Variants in TUBD1 observed in about 807,000 individuals in gnomAD.
TUBD1 encodes tubulin delta chain.
TUBD1 carries 38 observed loss-of-function variants against 51.2 expected under a neutral mutation model. The observed-to-expected ratio is 0.74, with a 90% confidence interval of 0.57 to 0.97. The LOEUF is 0.97. Among genes scored for constraint, TUBD1 ranks in the 50% least tolerant of loss-of-function variants. The pLI, the probability that TUBD1 is intolerant of heterozygous loss-of-function variation, is 0.00. For missense variants in TUBD1, 489 were observed against 538.4 expected (o/e 0.91, Z 0.91); for synonymous variants, 169 against 178.2 (o/e 0.95, Z 0.41).
At chr17:59,878,489 CTTTTTTT>C (rs71370137) in intron 4 of TUBD1, 155 bp from the exon 5 acceptor site, 8 of 463,884 alleles carry the variant, frequency 1.7e-5, no homozygotes, top group African/African-American at 1.3e-4. Context: ...GCTCAGTTTC[CTTTTTTT>C]TTTTTTTTTT....
At chr17:59,880,575 C>A (rs550525942) in intron 4 of TUBD1, among the ~76,000 whole-genome samples, 2 of 151,890 alleles carry the variant, frequency 1.3e-5, no homozygotes, top group African/African-American at 4.8e-5. Context: ...AGTACGGTAG[C>A]GCGATCTTGG....
At chr17:59,889,957 G>A (rs1428615599) in intron 2 of TUBD1, among the ~76,000 whole-genome samples, 24 of 135,128 alleles carry the variant, frequency 1.8e-4, no homozygotes, top group African/African-American at 6.4e-4. Flanking sequence ...GTGACAGAGC[G>A]AGACTCTCTC....
At chr17:59,875,808 A>C (rs1315548980) in intron 5 of TUBD1, among the ~76,000 whole-genome samples, 4 of 152,130 alleles carry the variant, frequency 2.6e-5, no homozygotes, top group Admixed American at 2.6e-4. Flanking sequence ...GATATTCCTT[A>C]AGATAGGAAT....
In TUBD1 at chr17:59,890,815, T is replaced by G; in HGVS notation, c.172+16A>C. ...GTTAGATCAGAGTAAAGGAGAGGACTGTGGGCCACACCTACCTCCATTCTC... is the reference window on the plus strand; with the variant it reads ...GTTAGATCAGAGTAAAGGAGAGGACGGTGGGCCACACCTACCTCCATTCTC... On this transcript the variant is annotated intron_variant, in intron 2 of 8. Transcript: ENST00000325752. 1 of 1,598,694 alleles carries G rather than the reference T, an allele frequency of 6.3e-7. No homozygotes were observed. Among genetic ancestry groups the G allele is most frequent in the Non-Finnish European group, 8.5e-7 (1 of 1,173,044 alleles).
chr17:59,882,789 CTTT>C (rs959009765), intron 3 of TUBD1, among the ~76,000 whole-genome samples: 1 of 144,176 alleles, frequency 6.9e-6, no homozygotes. Context: ...TAATTTCTTT[CTTT>C]TTTTTTTTTT....
intron 7 of TUBD1, among the ~76,000 whole-genome samples, chr17:59,865,859 C>T (rs972935424): frequency 1.3e-5 from 2 of 151,996 alleles, no homozygotes; most frequent in Admixed American, 6.6e-5. Flanking sequence ...GCCTGTAATC[C>T]CAACACTTTG....
chr17:59,878,575 C>G (rs1479760773), intron 4 of TUBD1: 2 of 370,002 alleles, frequency 5.4e-6, no homozygotes, highest in Non-Finnish European at 9.9e-6. Context: ...ACCTCGGCCT[C>G]CCGGTTCGAG....
intron 6 of TUBD1, among the ~76,000 whole-genome samples, chr17:59,871,361 G>A (rs1157645714): frequency 6.6e-6 from 1 of 151,946 alleles, no homozygotes; most frequent in Non-Finnish European, 1.5e-5. Context: ...CACCATGCCT[G>A]GCTAATTTTT....
At chr17:59,866,231 CTTT>C (rs544961480) in intron 7 of TUBD1, among the ~76,000 whole-genome samples, 18,753 of 132,072 alleles carry the variant, frequency 0.14, 1,403 homozygotes, top group Middle Eastern at 0.25. Flanking sequence ...GAAAACAATT[CTTT>C]TTTTTTTTTT....
At chr17:59,887,420 C>G (rs1476878910) in intron 2 of TUBD1, among the ~76,000 whole-genome samples, 5 of 151,512 alleles carry the variant, frequency 3.3e-5, no homozygotes, top group Non-Finnish European at 7.4e-5. Context: ...TACTTAATCA[C>G]ACTGCAACGT....
chr17:59,888,151 G>A (rs1248469021), intron 2 of TUBD1, among the ~76,000 whole-genome samples: 1 of 152,080 alleles, frequency 6.6e-6, no homozygotes, highest in Admixed American at 6.6e-5. Context: ...TAGCCAGGAT[G>A]GTCTCGATCT....
intron 4 of TUBD1, among the ~76,000 whole-genome samples, chr17:59,880,578 G>A (rs1010309340): frequency 2.0e-5 from 3 of 151,900 alleles, no homozygotes; most frequent in African/African-American, 7.3e-5. Flanking sequence ...ACGGTAGCGC[G>A]ATCTTGGCTC....
Position 59,859,504 on chromosome 17 carries a change from A to T in TUBD1, c.*818T>A, listed in dbSNP as rs1349199636. 6.6e-6 allele frequency: 1 copy of T among 152,418 alleles called. No individual in the cohort carries two copies. Among genetic ancestry groups the T allele is most frequent in the Non-Finnish European group, 1.5e-5 (1 of 68,050 alleles). The allele number at this position is 152,418 out of a possible 1,614,324, so 9.4% of individuals were successfully genotyped here. ...TTTACTTTTGTACTTAAGCATAAGC[A>T]TTTATTACCAAAATCCTCATATTTA... On this transcript the variant is annotated 3_prime_UTR_variant, in exon 9 of 9. Coordinates refer to ENST00000325752, the MANE Select transcript of TUBD1 (RefSeq NM_016261.4).
At chr17:59,868,558 G>A (rs567437038) in intron 6 of TUBD1, among the ~76,000 whole-genome samples, 1 of 152,148 alleles carries the variant, frequency 6.6e-6, no homozygotes, top group South Asian at 2.1e-4. Flanking sequence ...AACAAAATTA[G>A]GCCAGGTGCA....
chr17:59,884,178 T>C (rs540762946), intron 3 of TUBD1, among the ~76,000 whole-genome samples: 8 of 151,522 alleles, frequency 5.3e-5, no homozygotes, highest in Admixed American at 6.6e-5. Flanking sequence ...GGAGAATCAC[T>C]TGAACCCGGG....
rs772193029 is a variant in TUBD1 at position 59,866,736 on chromosome 17, A to G, written c.948T>C (p.His316=). 6.2e-7 allele frequency: 1 copy of G among 1,612,092 alleles called. No homozygotes were observed. Among genetic ancestry groups the G allele is most frequent in the Non-Finnish European group, 8.5e-7 (1 of 1,179,448 alleles). The change falls in exon 7 of 9, where the codon CAT becomes CAC. Residue 316 remains histidine, a synonymous_variant. Transcript: ENST00000325752. The part of the protein sequence containing the change: ...NAKMEEGIDR[H]VWPPLSGLPP... Reference sequence around the variant, plus strand: ...GAAGTCCTGATAAAGGAGGCCATACATGCCTATCAATACCTACCAAAAGAA... The same window carrying G: ...GAAGTCCTGATAAAGGAGGCCATACGTGCCTATCAATACCTACCAAAAGAA...
intron 6 of TUBD1, among the ~76,000 whole-genome samples, chr17:59,867,156 T>C (rs138537812): frequency 2.0e-5 from 3 of 151,822 alleles, no homozygotes; most frequent in African/African-American, 4.8e-5. Context: ...TTGTGGTATG[T>C]GTATTTTAGG....
Position 59,878,206 on chromosome 17 carries a change from G to T in TUBD1, c.666C>A (p.Ile222=), listed in dbSNP as rs779225934. ...GGACTTGATTGATATCACTAAAGGA[G>T]ATCTGCTTGATATTCATCAGTTTTG... ...ICAKLMNIKQ[I]SFSDINQVLA... Residue 222 remains isoleucine, a synonymous_variant, in exon 5 of 9, where the codon ATC becomes ATA. Coordinates refer to ENST00000325752, the MANE Select transcript of TUBD1 (RefSeq NM_016261.4). 3.1e-6 allele frequency: 5 copies of T among 1,613,994 alleles called. No individual in the cohort carries two copies. Among genetic ancestry groups the T allele is most frequent in the Non-Finnish European group, 3.4e-6 (4 of 1,180,004 alleles).
At chr17:59,876,568 G>C (rs187563149) in intron 5 of TUBD1, among the ~76,000 whole-genome samples, 1 of 151,788 alleles carries the variant, frequency 6.6e-6, no homozygotes, top group Non-Finnish European at 1.5e-5. Context: ...TGTTACTTAG[G>C]CTAGTCTCGA....
Sources: gnomAD v4.1 joint callset for allele counts (sites outside exome capture counted in the v4.1 genomes callset) on GRCh38, gnomAD v4.1.1 for gene constraint, MANE v1.5 for transcripts, NCBI Gene and HGNC (gene_info 2026-07-23, HGNC 2026-07-21) for gene names.